The following GALNTL6 variants were observed in gnomAD, a reference collection of about 807,000 sequenced individuals.
GALNTL6 encodes polypeptide N-acetylgalactosaminyltransferase like 6, also known as polypeptide N-acetylgalactosaminyltransferase-like 6.
Under a neutral mutation model 73.7 loss-of-function variants are expected in GALNTL6, and 46 were observed. The observed-to-expected ratio is 0.62, with a 90% confidence interval of 0.49 to 0.80. The LOEUF is 0.80. Among genes scored for constraint, GALNTL6 ranks in the 30% least tolerant of loss-of-function variants. GALNTL6 has a pLI of 0.00. For synonymous variants in GALNTL6, 259 were observed against 263.7 expected, an observed-to-expected ratio of 0.98 and a Z score of 0.17; for missense variants, 604 against 755.0, an observed-to-expected ratio of 0.80 and a Z score of 2.34.
At chr4:172,844,185 T>C (rs1425831711) in intron 7 of GALNTL6, among the ~76,000 whole-genome samples, 1 of 152,228 alleles carries the variant, frequency 6.6e-6, no homozygotes, top group African/African-American at 2.4e-5. Flanking sequence ...CATTGAGCCA[T>C]GTTCAACGTG....
chr4:172,165,814 C>A (rs1377940416), intron 2 of GALNTL6, among the ~76,000 whole-genome samples: 1 of 152,030 alleles, frequency 6.6e-6, no homozygotes, highest in Non-Finnish European at 1.5e-5. Context: ...CAGATATATT[C>A]CACTAGTTTT....
At position 172,508,098 on chromosome 4, in the gene GALNTL6, G is replaced by A. The variant is rs1734404317; in HGVS notation, c.553+159409G>A. Among the ~76,000 whole-genome samples the A allele has an allele frequency of 3.6e-5, 2 of 54,886 alleles. 1 individual carries two copies. Among genetic ancestry groups the A allele is most frequent in the African/African-American group, 9.1e-5 (2 of 21,918 alleles). 36.0% of individuals were successfully genotyped at this position (54,886 alleles called of 152,430 possible). ...TATACGTTAAACAGGAAAGTATAGA[G>A]GGTGCATCATACTAAAGATTATAGA... On this transcript the variant is annotated intron_variant, in intron 5 of 12. Coordinates refer to ENST00000506823, the MANE Select transcript of GALNTL6 (RefSeq NM_001034845.3).
At chr4:172,310,164 G>A (rs529740267) in intron 3 of GALNTL6, among the ~76,000 whole-genome samples, 1 of 152,198 alleles carries the variant, frequency 6.6e-6, no homozygotes, top group East Asian at 1.9e-4. Flanking sequence ...TGCAAGCATT[G>A]GCATAGCAGT....
At chr4:171,911,050 C>A (rs562016887) in intron 2 of GALNTL6, among the ~76,000 whole-genome samples, 18 of 152,136 alleles carry the variant, frequency 1.2e-4, no homozygotes, top group Non-Finnish European at 2.5e-4. Flanking sequence ...GTCACTAATA[C>A]CTCTGTTATA....
At chr4:172,770,172 A>T (rs1328068017) in intron 5 of GALNTL6, among the ~76,000 whole-genome samples, 3 of 152,008 alleles carry the variant, frequency 2.0e-5, no homozygotes, top group Non-Finnish European at 2.9e-5. Context: ...AGGCTGAGGC[A>T]GGAGAATCGC....
intron 5 of GALNTL6, among the ~76,000 whole-genome samples, chr4:172,498,745 T>C (rs1229607441): frequency 1.3e-5 from 2 of 152,188 alleles, no homozygotes; most frequent in African/African-American, 4.8e-5. Context: ...TTTTAGAGCT[T>C]AGTTCTATGA....
intron 5 of GALNTL6, among the ~76,000 whole-genome samples, chr4:172,446,899 G>A (rs535550267): frequency 1.3e-5 from 2 of 152,008 alleles, no homozygotes; most frequent in Non-Finnish European, 2.9e-5. Flanking sequence ...TCTGACTCCT[G>A]GATGGTTAAT....
chr4:172,887,773 A>G (rs189634620), intron 8 of GALNTL6, among the ~76,000 whole-genome samples: 6 of 152,186 alleles, frequency 3.9e-5, no homozygotes, highest in Non-Finnish European at 7.4e-5. Context: ...CATGTTGGCC[A>G]GGCTAGTTTT....
At chr4:172,254,098 G>A (rs1415005992) in intron 3 of GALNTL6, among the ~76,000 whole-genome samples, 1 of 151,800 alleles carries the variant, frequency 6.6e-6, no homozygotes, top group African/African-American at 2.4e-5. Flanking sequence ...TACTGATAGT[G>A]TAGAGTTTTT....
chr4:171,894,931 A>C (rs745966870), intron 2 of GALNTL6, among the ~76,000 whole-genome samples: 7 of 152,354 alleles, frequency 4.6e-5, no homozygotes, highest in Non-Finnish European at 8.8e-5. Flanking sequence ...GATATTCTAG[A>C]GAAATCACAT....
chr4:172,789,870 A>C (rs1334327752), intron 5 of GALNTL6, among the ~76,000 whole-genome samples: 1 of 152,232 alleles, frequency 6.6e-6, no homozygotes, highest in African/African-American at 2.4e-5. Context: ...ACCCAACATT[A>C]TAACAAAAGA....
intron 5 of GALNTL6, among the ~76,000 whole-genome samples, chr4:172,793,292 G>T (rs1441294095): frequency 6.6e-6 from 1 of 152,076 alleles, no homozygotes; most frequent in Admixed American, 6.6e-5. Flanking sequence ...CAAAAATAGG[G>T]ATTTGATCTA....
chr4:171,978,474 C>T (rs1224741815), intron 2 of GALNTL6, among the ~76,000 whole-genome samples: 1 of 152,080 alleles, frequency 6.6e-6, no homozygotes, highest in Non-Finnish European at 1.5e-5. Flanking sequence ...ACCCCATCAG[C>T]TCAGCTCACA....
At chr4:172,802,535 C>T (rs778775290) in intron 5 of GALNTL6, among the ~76,000 whole-genome samples, 18 of 152,182 alleles carry the variant, frequency 1.2e-4, no homozygotes, top group Non-Finnish European at 1.6e-4. Context: ...GTGGCTCACA[C>T]CTGTAATCCC....
chr4:172,181,590 C>T (rs1735243695), intron 2 of GALNTL6, among the ~76,000 whole-genome samples: 1 of 151,336 alleles, frequency 6.6e-6, no homozygotes, highest in Admixed American at 6.6e-5. Flanking sequence ...ATTGGAAGTT[C>T]TGGCCAGGGC....
At chr4:172,093,311 CTAATTT>C (rs1732258123) in intron 2 of GALNTL6, among the ~76,000 whole-genome samples, 1 of 152,102 alleles carries the variant, frequency 6.6e-6, no homozygotes, top group Admixed American at 6.6e-5. Context: ...TTATAATAAT[CTAATTT>C]TATCTATACC....
chr4:172,603,332 A>AT (rs1738137717), intron 5 of GALNTL6, among the ~76,000 whole-genome samples: 1 of 152,216 alleles, frequency 6.6e-6, no homozygotes, highest in African/African-American at 2.4e-5. Context: ...AAGTTCAAAT[A>AT]TTTTTGTATG....
chr4:172,348,797 G>A (rs753306545), intron 5 of GALNTL6, 108 bp downstream of exon 5: 5 of 662,184 alleles, frequency 7.6e-6, no homozygotes, highest in Non-Finnish European at 1.2e-5. Flanking sequence ...CATCTGAAAG[G>A]TGATTATGAA....
chr4:172,217,680 C>T (rs1097439), intron 2 of GALNTL6, among the ~76,000 whole-genome samples: 148,611 of 152,234 alleles, frequency 0.98, 72,644 homozygotes, highest in East Asian at 1. Context: ...TGTCTACTTC[C>T]TTCATTCGAG....
Sources: gnomAD v4.1 joint callset for allele counts (sites outside exome capture counted in the v4.1 genomes callset) on GRCh38, gnomAD v4.1.1 for gene constraint, MANE v1.5 for transcripts, NCBI Gene and HGNC (gene_info 2026-07-23, HGNC 2026-07-21) for gene names.